GSE1: variants seen among roughly 807,000 people sequenced by gnomAD.
GSE1 encodes the protein Gse1 coiled-coil protein.
Under a neutral mutation model 112.6 loss-of-function variants are expected in GSE1, and 32 were observed. The ratio of observed to expected loss-of-function variants is 0.28; its 90% confidence interval spans 0.21 to 0.38. The LOEUF (loss-of-function observed/expected upper bound fraction) is 0.38, where lower values mean the gene tolerates loss of function less well. Ranked by LOEUF, GSE1 falls within the 10% of genes least tolerant of loss-of-function variation. GSE1 has a pLI of 1.00. For synonymous variants in GSE1, 1,115 were observed against 735.6 expected (o/e 1.52, Z -8.35); for missense variants, 2,348 against 1,699.2 (o/e 1.38, Z -6.71).
intron 2 of GSE1, among the ~76,000 whole-genome samples, chr16:85,417,047 G>T (rs190494280): frequency 6.6e-6 from 1 of 152,246 alleles, no homozygotes; most frequent in Non-Finnish European, 1.5e-5. Context: ...TTGTAGAGCA[G>T]GTCTCACCAT....
At chr16:85,265,133 A>G (rs1283351386) in intron 1 of GSE1, among the ~76,000 whole-genome samples, 1 of 152,106 alleles carries the variant, frequency 6.6e-6, no homozygotes, top group African/African-American at 2.4e-5. Context: ...GAGTTGGGAG[A>G]GTTGCAAGGG....
At chr16:85,601,941 A>G (rs1178379481) in intron 1 of GSE1, among the ~76,000 whole-genome samples, 2 of 152,238 alleles carry the variant, frequency 1.3e-5, no homozygotes, top group African/African-American at 4.8e-5. Context: ...TGTGATCTTA[A>G]TGACCGGCAG....
intron 13 of GSE1, among the ~76,000 whole-genome samples, chr16:85,667,440 G>A (rs567204241): frequency 2.0e-5 from 3 of 152,162 alleles, no homozygotes; most frequent in Admixed American, 6.5e-5. Context: ...CTCTTGAAAC[G>A]GGGCACAATG....
intron 1 of GSE1, among the ~76,000 whole-genome samples, chr16:85,353,093 G>C (rs574976158): frequency 6.6e-6 from 1 of 152,216 alleles, no homozygotes; most frequent in Admixed American, 6.5e-5. Context: ...CCTCTGCTCT[G>C]GGCCTCACTA....
At chr16:85,417,568 G>A (rs1454730172) in intron 2 of GSE1, among the ~76,000 whole-genome samples, 1 of 152,242 alleles carries the variant, frequency 6.6e-6, no homozygotes, top group Non-Finnish European at 1.5e-5. Context: ...CCTCCAGAGT[G>A]TCTGCATCAG....
At chr16:85,217,134 G>A (rs185858792) in intron 1 of GSE1, among the ~76,000 whole-genome samples, 305 of 152,360 alleles carry the variant, frequency 2.0e-3, no homozygotes, top group Non-Finnish European at 2.1e-3. Flanking sequence ...TATGGAGCGT[G>A]GGGGTGATGA....
intron 1 of GSE1, among the ~76,000 whole-genome samples, chr16:85,196,043 T>G (rs2074920392): frequency 6.6e-6 from 1 of 152,210 alleles, no homozygotes; most frequent in South Asian, 2.1e-4. Context: ...ACGGTCATGT[T>G]TCTGCTGCAA....
chr16:85,442,675 G>T (rs142775196), intron 2 of GSE1, among the ~76,000 whole-genome samples: 156 of 152,312 alleles, frequency 1.0e-3, no homozygotes, highest in African/African-American at 3.5e-3. Flanking sequence ...AGGTGGCATC[G>T]TGAGCCAGGC....
intron 2 of GSE1, among the ~76,000 whole-genome samples, chr16:85,452,850 C>T (rs978099163): frequency 1.3e-5 from 2 of 152,236 alleles, no homozygotes; most frequent in Non-Finnish European, 2.9e-5. Context: ...GGGCCCTTCC[C>T]TCTGCCAGGC....
At chr16:85,210,578 G>C (rs2075208122) in intron 1 of GSE1, among the ~76,000 whole-genome samples, 1 of 152,020 alleles carries the variant, frequency 6.6e-6, no homozygotes, top group African/African-American at 2.4e-5. Flanking sequence ...AACAGAGTGA[G>C]ACCTTGTCTT....
intron 2 of GSE1, among the ~76,000 whole-genome samples, chr16:85,634,836 T>G (rs1485851346): frequency 6.6e-6 from 1 of 152,170 alleles, no homozygotes; most frequent in Non-Finnish European, 1.5e-5. Flanking sequence ...GCGATGACCA[T>G]TGGCAGGGGC....
At chr16:85,613,835 G>A (rs2151562259) in intron 1 of GSE1, among the ~76,000 whole-genome samples, 1 of 144,052 alleles carries the variant, frequency 6.9e-6, no homozygotes, top group Non-Finnish European at 1.5e-5. Flanking sequence ...GCAGGTGCTG[G>A]CGACGGCCGA....
At chr16:85,188,461 C>CT (rs2074754882) in intron 1 of GSE1, among the ~76,000 whole-genome samples, 1 of 152,110 alleles carries the variant, frequency 6.6e-6, no homozygotes, top group Non-Finnish European at 1.5e-5. Flanking sequence ...ACACAGGGAC[C>CT]TAGACCCTTT....
In GSE1 at chr16:85,260,319, C is replaced by CTTTTTTTTTTTTTTTTTT. The variant is rs111292010; in HGVS notation, c.2283+88517_2283+88534dup. Among the ~76,000 whole-genome samples, 267 of 94,814 alleles carry CTTTTTTTTTTTTTTTTTT rather than the reference C, an allele frequency of 2.8e-3. 2 individuals are homozygous for CTTTTTTTTTTTTTTTTTT. The highest frequency in any genetic ancestry group is 0.016 in the Middle Eastern group (2 of 124). 62.2% of individuals were successfully genotyped at this position (94,814 alleles called of 152,430 possible). ...TATTTTTCCTTTTTCTTTTTCTTTT[C>CTTTTTTTTTTTTTTTTTT]TTTTTTTTTTTTTTTTTTTTTTGAG... is the stretch of plus-strand genomic sequence containing the variant. On this transcript the variant is annotated intron_variant, in intron 1 of 2. Transcript: ENST00000637419.
intron 1 of GSE1, among the ~76,000 whole-genome samples, chr16:85,220,061 T>C (rs1164494718): frequency 6.6e-6 from 1 of 152,228 alleles, no homozygotes; most frequent in Non-Finnish European, 1.5e-5. Context: ...CTGTGTGTTC[T>C]TACATGATGT....
chr16:85,226,803 GT>G (rs2075495812), intron 1 of GSE1, among the ~76,000 whole-genome samples: 1 of 145,406 alleles, frequency 6.9e-6, no homozygotes. Flanking sequence ...GTGTGTGTGT[GT>G]GTGTGTGTGT....
intron 2 of GSE1, among the ~76,000 whole-genome samples, chr16:85,634,728 C>T (rs1260004219): frequency 1.3e-5 from 2 of 152,162 alleles, no homozygotes; most frequent in African/African-American, 2.4e-5. Context: ...TGAACCTGGG[C>T]ACGTTGCTGA....
chr16:85,481,659 G>A (rs1042824887), intron 2 of GSE1, among the ~76,000 whole-genome samples: 5 of 152,208 alleles, frequency 3.3e-5, no homozygotes, highest in Non-Finnish European at 2.9e-5. Context: ...GCTGAGACGA[G>A]CAGGTGGACA....
intron 1 of GSE1, among the ~76,000 whole-genome samples, chr16:85,303,481 G>C (rs1253046719): frequency 6.6e-6 from 1 of 152,238 alleles, no homozygotes; most frequent in South Asian, 2.1e-4. Flanking sequence ...CACCCCCGCC[G>C]CTGTCCGCCG....
Sources: gnomAD v4.1 joint callset for allele counts (sites outside exome capture counted in the v4.1 genomes callset) on GRCh38, gnomAD v4.1.1 for gene constraint, MANE v1.5 for transcripts, NCBI Gene and HGNC (gene_info 2026-07-23, HGNC 2026-07-21) for gene names.